The following PIK3C2G variants were observed in gnomAD, a reference collection of about 807,000 sequenced individuals.
PIK3C2G encodes phosphatidylinositol-4-phosphate 3-kinase catalytic subunit type 2 gamma.
In PIK3C2G, 168 loss-of-function variants were observed where a neutral mutation model predicts 181.1. The ratio of observed to expected loss-of-function variants is 0.93; its 90% CI spans 0.82 to 1.05. The LOEUF is 1.05. Among genes scored for constraint, PIK3C2G ranks in the 50% least tolerant of loss-of-function variants. PIK3C2G has a pLI of 0.00. For synonymous variants in PIK3C2G, 573 were observed against 592.2 expected, an observed-to-expected ratio of 0.97 and a Z score of 0.47; for missense variants, 1,869 against 1,732.8, an observed-to-expected ratio of 1.08 and a Z score of -1.40.
At chr12:18,486,528 T>C (rs534873274) in intron 18 of PIK3C2G, among the ~76,000 whole-genome samples, 268 of 152,216 alleles carry the variant, frequency 1.8e-3, no homozygotes, top group African/African-American at 6.1e-3. Context: ...CCCTAAAATA[T>C]ATTATTTCTT....
rs1410587654 is a variant in PIK3C2G at position 18,648,234 on chromosome 12, G to A, written c.*206G>A. The stretch of plus-strand genomic sequence containing the variant: ...TTTTCATAATCTTTTCTCCTTCAGT[G>A]GAGTACTGATTGCATGAAATTTGAT... On this transcript the variant is annotated 3_prime_UTR_variant, in exon 33 of 33. Transcript: ENST00000538779. The A allele has an allele frequency of 3.2e-6, 1 of 316,354 alleles. No homozygotes were observed. Among genetic ancestry groups the A allele is most frequent in the Non-Finnish European group, 5.8e-6 (1 of 173,732 alleles). 19.6% of individuals were successfully genotyped at this position (316,354 alleles called of 1,614,324 possible). A position where few individuals can be genotyped will look rare whatever the true frequency, so the allele number is the denominator to read the frequency against.
intron 8 of PIK3C2G, among the ~76,000 whole-genome samples, chr12:18,328,493 C>T (rs74070224): frequency 0.06 from 9,173 of 151,948 alleles, 937 homozygotes; most frequent in African/African-American, 0.21. Context: ...TATTGTTAGA[C>T]TTTCAGAAGT....
chr12:18,422,119 T>C (rs1945520299), intron 17 of PIK3C2G, among the ~76,000 whole-genome samples: 1 of 152,094 alleles, frequency 6.6e-6, no homozygotes, highest in South Asian at 2.1e-4. Flanking sequence ...AAAGTCTCTA[T>C]CTGAGTAAGT....
chr12:18,487,890 T>C (rs961359513), intron 18 of PIK3C2G, among the ~76,000 whole-genome samples: 1 of 152,112 alleles, frequency 6.6e-6, no homozygotes, highest in African/African-American at 2.4e-5. Flanking sequence ...ATTTGTAAGT[T>C]TGAGAGCTGG....
intron 23 of PIK3C2G, among the ~76,000 whole-genome samples, chr12:18,503,643 T>G (rs7304476): frequency 0.013 from 2,039 of 152,174 alleles, 45 homozygotes; most frequent in African/African-American, 0.048. Context: ...CAATAAAGAT[T>G]TTTTTTTGCT....
At chr12:18,696,065 C>T in the PIK3C2G span, 3 of 727,362 alleles carry the variant, frequency 4.1e-6, 1 homozygote, top group East Asian at 6.5e-5. Context: ...TACAGAAAGC[C>T]CTTTTCACGA....
chr12:18,697,594 T>C, the PIK3C2G span, among the ~76,000 whole-genome samples: 1 of 152,110 alleles, frequency 6.6e-6, no homozygotes, highest in African/African-American at 2.4e-5. Context: ...TACTGTAAAA[T>C]AGGAGGACAT....
intron 31 of PIK3C2G, among the ~76,000 whole-genome samples, chr12:18,634,071 C>G (rs1382845346): frequency 1.3e-5 from 2 of 152,128 alleles, no homozygotes; most frequent in Non-Finnish European, 2.9e-5. Flanking sequence ...TGCAGCCTGG[C>G]AAGGTATCAC....
At chr12:18,560,328 A>C (rs186513121) in intron 26 of PIK3C2G, among the ~76,000 whole-genome samples, 2 of 152,266 alleles carry the variant, frequency 1.3e-5, no homozygotes, top group Middle Eastern at 3.4e-3. Flanking sequence ...TATCCTTAAA[A>C]AAAGTGGGCC....
At chr12:18,342,306 A>G (rs1939216432) in intron 9 of PIK3C2G, among the ~76,000 whole-genome samples, 1 of 152,100 alleles carries the variant, frequency 6.6e-6, no homozygotes, top group Non-Finnish European at 1.5e-5. Context: ...CATGCAAATG[A>G]TGCTTTTAAT....
At chr12:18,298,928 A>G (rs1950061146) in intron 5 of PIK3C2G, among the ~76,000 whole-genome samples, 3 of 151,808 alleles carry the variant, frequency 2.0e-5, no homozygotes, top group African/African-American at 7.2e-5. Flanking sequence ...TCATATCAAT[A>G]TCATTTTGCT....
chr12:18,551,135 T>C (rs770838766), intron 26 of PIK3C2G, among the ~76,000 whole-genome samples: 4 of 152,044 alleles, frequency 2.6e-5, no homozygotes, highest in Admixed American at 1.3e-4. Flanking sequence ...CAAATGCTTT[T>C]CACATCATCA....
intron 29 of PIK3C2G, among the ~76,000 whole-genome samples, chr12:18,575,466 A>G (rs980620450): frequency 1.3e-5 from 2 of 152,206 alleles, no homozygotes; most frequent in Non-Finnish European, 2.9e-5. Flanking sequence ...GGCCTCCAAC[A>G]TAGCAGGTAC....
chr12:18,322,141 T>G (rs1429535053), intron 7 of PIK3C2G, among the ~76,000 whole-genome samples: 1 of 152,106 alleles, frequency 6.6e-6, no homozygotes, highest in African/African-American at 2.4e-5. Context: ...TCCCAGCACT[T>G]TAGGAGGCCT....
At chr12:18,705,998 G>T in the PIK3C2G span, among the ~76,000 whole-genome samples, 4 of 152,044 alleles carry the variant, frequency 2.6e-5, no homozygotes, top group South Asian at 8.3e-4. Context: ...AGGCCGAGGC[G>T]GGTGGATCAC....
At chr12:18,368,006 A>C (rs1941762524) in intron 12 of PIK3C2G, among the ~76,000 whole-genome samples, 1 of 152,182 alleles carries the variant, frequency 6.6e-6, no homozygotes, top group Non-Finnish European at 1.5e-5. Context: ...GAGCAGGAGA[A>C]GCTGCCACTT....
In PIK3C2G at chr12:18,266,013, T is replaced by TAAAAA. The variant is rs61315448; in HGVS notation, c.-79+4460_-79+4464dup. Among the ~76,000 whole-genome samples the TAAAAA allele has an allele frequency of 7.4e-3, 454 of 61,762 alleles. 19 individuals are homozygous for TAAAAA. The highest frequency in any genetic ancestry group is 0.017 in the Middle Eastern group (1 of 58). The allele number at this position is 61,762 out of a possible 152,430, so 40.5% of individuals were successfully genotyped here. ...TGGGGAACAAGAGCGAGACTTCATC[T>TAAAAA]AAAAAAAAAAAAAAAAAAAAAAAAA... On this transcript the variant is annotated intron_variant, in intron 1 of 32. Transcript: ENST00000538779.
chr12:18,394,472 T>C (rs1192124910), intron 15 of PIK3C2G, among the ~76,000 whole-genome samples: 1 of 151,994 alleles, frequency 6.6e-6, no homozygotes, highest in African/African-American at 2.4e-5. Context: ...AAACATAGCC[T>C]GGGGAGAGGA....
In PIK3C2G at chr12:18,320,942, A is replaced by C; in HGVS notation, c.1138-20A>C. ...ATTCCTATTCACTCAATAAATATTA[A>C]TATATTCTGCTGTCTACAGCATGAA... On this transcript the variant is annotated intron_variant, in intron 6 of 32. Transcript: ENST00000538779. The C allele has an allele frequency of 7.9e-6, 11 of 1,386,856 alleles. No individual in the cohort carries two copies. Among genetic ancestry groups the C allele is most frequent in the Non-Finnish European group, 1.1e-5 (11 of 987,894 alleles). The allele number at this position is 1,386,856 out of a possible 1,614,324, so 85.9% of individuals were successfully genotyped here. A position where few individuals can be genotyped will look rare whatever the true frequency, so the allele number is the denominator to read the frequency against.
Sources: allele counts gnomAD v4.1 joint callset (sites outside exome capture counted in the v4.1 genomes callset), GRCh38; gene constraint gnomAD v4.1.1; transcripts MANE v1.5; gene names NCBI Gene and HGNC (gene_info 2026-07-23, HGNC 2026-07-21).